Variants in GPR158 observed in about 807,000 individuals in gnomAD.
GPR158 encodes metabotropic glycine receptor.
GPR158 carries 30 observed loss-of-function variants against 78.2 expected under a neutral mutation model. The observed-to-expected ratio is 0.38, with a 90% CI of 0.29 to 0.52. The LOEUF is 0.52. GPR158 is among the 20% of genes least tolerant of loss of function. GPR158 has a pLI of 0.83. For missense variants in GPR158, 1,463 were observed against 1,523.5 expected, an observed-to-expected ratio of 0.96 and a Z score of 0.66; for synonymous variants, 581 against 591.1, an observed-to-expected ratio of 0.98 and a Z score of 0.25.
chr10:25,186,721 G>A (rs1852692479), intron 1 of GPR158, among the ~76,000 whole-genome samples: 1 of 152,050 alleles, frequency 6.6e-6, no homozygotes, highest in Non-Finnish European at 1.5e-5. Flanking sequence ...TGAAATTGAG[G>A]CAATAATTAA....
At chr10:25,212,294 A>C (rs982820690) in intron 1 of GPR158, among the ~76,000 whole-genome samples, 67 of 152,154 alleles carry the variant, frequency 4.4e-4, no homozygotes, top group Admixed American at 3.5e-3. Flanking sequence ...GATGAAAGGC[A>C]AAGTGTGAGC....
intron 2 of GPR158, among the ~76,000 whole-genome samples, chr10:25,238,289 A>G (rs528199580): frequency 6.6e-6 from 1 of 152,254 alleles, no homozygotes; most frequent in East Asian, 1.9e-4. Context: ...TCAGAAGGTA[A>G]TCTTTCCAGT....
At chr10:25,552,168 C>T (rs887533098) in intron 6 of GPR158, among the ~76,000 whole-genome samples, 4 of 152,190 alleles carry the variant, frequency 2.6e-5, no homozygotes, top group Middle Eastern at 3.4e-3. Context: ...TTCAGGAGAT[C>T]CTATTTAAAT....
rs527322608 is a variant in GPR158, at chr10:25,419,658, T to C, written c.1335+7185T>C. Among the ~76,000 whole-genome samples, 136 of 152,240 alleles carry C rather than the reference T, an allele frequency of 8.9e-4. No individual in the cohort carries two copies. In the Middle Eastern group the frequency reaches 0.017, roughly 19 times the overall value. On this transcript the variant is annotated intron_variant, in intron 4 of 10. Coordinates refer to ENST00000376351, the MANE Select transcript of GPR158 (RefSeq NM_020752.3). The stretch of plus-strand genomic sequence containing the variant: ...CTAACCTACATTTGTCATTTTCTGT[T>C]GTTTTGTTGTTGTTGTTGTTGTTGT...
chr10:25,400,383 A>T (rs986635503), intron 3 of GPR158, among the ~76,000 whole-genome samples: 9 of 152,196 alleles, frequency 5.9e-5, no homozygotes, highest in Admixed American at 1.3e-4. Context: ...AATATGACTT[A>T]AAAATTCTGT....
rs559246489 is a variant in GPR158 at position 25,314,682 on chromosome 10, CATTT to C, written c.1009-81224_1009-81221del. On this transcript the variant is annotated intron_variant, in intron 2 of 10. Coordinates refer to ENST00000376351, the MANE Select transcript of GPR158 (RefSeq NM_020752.3). ...TAGCTTTTGATTAGCTTTACCAGCA[CATTT>C]ATTTTATTCTTCTGTTTTGTCAACA... Among the ~76,000 whole-genome samples, 734 of 150,152 alleles carry C rather than the reference CATTT, an allele frequency of 4.9e-3. 5 individuals carry two copies. Among genetic ancestry groups the C allele is most frequent in the African/African-American group, 0.017 (688 of 40,986 alleles).
intron 5 of GPR158, among the ~76,000 whole-genome samples, chr10:25,495,857 C>T (rs1054023801): frequency 1.3e-5 from 2 of 151,974 alleles, no homozygotes; most frequent in African/African-American, 4.8e-5. Flanking sequence ...TCCACCTTAG[C>T]TTATATCATT....
At chr10:25,410,712 T>C (rs1475388338) in intron 3 of GPR158, among the ~76,000 whole-genome samples, 5 of 152,204 alleles carry the variant, frequency 3.3e-5, no homozygotes, top group African/African-American at 1.2e-4. Context: ...TAGTGAGTTG[T>C]CTCATGTCAC....
intron 4 of GPR158, among the ~76,000 whole-genome samples, chr10:25,420,268 G>A (rs1159552854): frequency 6.6e-6 from 1 of 152,100 alleles, no homozygotes; most frequent in Non-Finnish European, 1.5e-5. Context: ...TCCCACCTCA[G>A]CTTTCTGAGG....
At chr10:25,326,310 AT>A (rs1227146110) in intron 2 of GPR158, among the ~76,000 whole-genome samples, 2 of 152,190 alleles carry the variant, frequency 1.3e-5, no homozygotes, top group African/African-American at 4.8e-5. Context: ...GCTGCATAGT[AT>A]TCCATGGTGT....
At chr10:25,184,465 ATTG>A in intron 1 of GPR158, among the ~76,000 whole-genome samples, 1 of 152,226 alleles carries the variant, frequency 6.6e-6, no homozygotes, top group Non-Finnish European at 1.5e-5. Context: ...TATAAATTAG[ATTG>A]TTATTTGTCT....
At chr10:25,195,452 C>T (rs921487400) in intron 1 of GPR158, among the ~76,000 whole-genome samples, 2 of 152,128 alleles carry the variant, frequency 1.3e-5, no homozygotes, top group Non-Finnish European at 1.5e-5. Flanking sequence ...GTGATCCACC[C>T]ACCTTGGCTT....
At chr10:25,225,667 A>G (rs914387610) in intron 2 of GPR158, among the ~76,000 whole-genome samples, 1 of 152,120 alleles carries the variant, frequency 6.6e-6, no homozygotes, top group East Asian at 1.9e-4. Context: ...TGCTTTGGAG[A>G]CCACTTTTTG....
At chr10:25,188,545 T>G (rs1194041109) in intron 1 of GPR158, among the ~76,000 whole-genome samples, 1 of 152,210 alleles carries the variant, frequency 6.6e-6, no homozygotes. Flanking sequence ...GGATTCCCTA[T>G]TTATTAAATG....
intron 2 of GPR158, among the ~76,000 whole-genome samples, chr10:25,252,826 C>G (rs1462657472): frequency 2.0e-5 from 3 of 151,886 alleles, no homozygotes; most frequent in Admixed American, 6.6e-5. Flanking sequence ...CCTCCTTGAG[C>G]TGTGGTGGGC....
chr10:25,484,988 T>A (rs1488403352), intron 5 of GPR158, among the ~76,000 whole-genome samples: 2 of 152,144 alleles, frequency 1.3e-5, no homozygotes, highest in African/African-American at 2.4e-5. Context: ...GTCAGACATC[T>A]CTATTAGCAG....
intron 2 of GPR158, among the ~76,000 whole-genome samples, chr10:25,225,769 A>G (rs1054603221): frequency 3.3e-5 from 5 of 151,960 alleles, no homozygotes; most frequent in Admixed American, 6.6e-5. Flanking sequence ...CCTCTTTTCT[A>G]TGGAATGTAT....
intron 5 of GPR158, among the ~76,000 whole-genome samples, chr10:25,540,945 AATATATATAT>A (rs57800341): frequency 2.1e-4 from 17 of 82,906 alleles, no homozygotes; most frequent in South Asian, 1.2e-3. Context: ...GTATAATAAA[AATATATATAT>A]ATATATATAT....
chr10:25,435,172 AATG>A (rs1170737670), intron 4 of GPR158, among the ~76,000 whole-genome samples: 2 of 152,196 alleles, frequency 1.3e-5, no homozygotes, highest in African/African-American at 4.8e-5. Flanking sequence ...ATTGTTTATA[AATG>A]ATGAACAAAA....
Sources: allele counts gnomAD v4.1 joint callset (sites outside exome capture counted in the v4.1 genomes callset), GRCh38; gene constraint gnomAD v4.1.1; transcripts MANE v1.5; gene names NCBI Gene and HGNC (gene_info 2026-07-23, HGNC 2026-07-21).